MYO9B: variants seen among roughly 807,000 people sequenced by gnomAD.
The protein encoded by MYO9B is myosin IXB.
In MYO9B, 71 loss-of-function variants were observed where a neutral mutation model predicts 229.5. The observed-to-expected ratio is 0.31, with a 90% CI of 0.26 to 0.38. MYO9B has a LOEUF of 0.38. Among genes scored for constraint, MYO9B ranks in the 10% least tolerant of loss-of-function variants. The pLI, the probability that MYO9B is intolerant of heterozygous loss-of-function variation, is 1.00. For synonymous variants in MYO9B, 1,185 were observed against 1,235.8 expected (o/e 0.96, Z 0.86); for missense variants, 2,255 against 2,920.5 (o/e 0.77, Z 5.25).
At chr19:17,117,554 C>T (rs1175654554) in intron 2 of MYO9B, among the ~76,000 whole-genome samples, 1 of 152,194 alleles carries the variant, frequency 6.6e-6, no homozygotes, top group East Asian at 1.9e-4. Context: ...AACACCTTCC[C>T]TAGAGGGGGT....
chr19:17,198,080 G>A, intron 23 of MYO9B, 104 bp from the exon 24 acceptor site: 3 of 1,494,902 alleles, frequency 2.0e-6, no homozygotes, highest in Non-Finnish European at 2.7e-6. Flanking sequence ...AAAAAAGCAG[G>A]AAGTGAGGTC....
At chr19:17,134,381 GTTTTTTTTTTTTTT>G (rs869297825) in intron 2 of MYO9B, among the ~76,000 whole-genome samples, 3 of 46,474 alleles carry the variant, frequency 6.5e-5, no homozygotes, top group African/African-American at 8.9e-5. Flanking sequence ...CGTTTTGTTT[GTTTTTTTTTTTTTT>G]TTTTTTTTTT....
chr19:17,115,999 G>A (rs952854255), intron 2 of MYO9B, among the ~76,000 whole-genome samples: 3 of 140,542 alleles, frequency 2.1e-5, no homozygotes, highest in Non-Finnish European at 4.6e-5. Flanking sequence ...ACAGGGTTCG[G>A]CGGAGCTAAC....
At chr19:17,116,922 G>A (rs922841762) in intron 2 of MYO9B, among the ~76,000 whole-genome samples, 7 of 152,116 alleles carry the variant, frequency 4.6e-5, no homozygotes, top group Admixed American at 1.3e-4. Flanking sequence ...CAGCCCTGAC[G>A]TTTGGAATGA....
chr19:17,088,969 C>T (rs1244680369), intron 1 of MYO9B, among the ~76,000 whole-genome samples: 2 of 152,134 alleles, frequency 1.3e-5, no homozygotes, highest in Admixed American at 1.3e-4. Context: ...TAAGCCACCA[C>T]GCCTGGCCAT....
chr19:17,110,727 C>T (rs75478261), intron 2 of MYO9B, among the ~76,000 whole-genome samples: 1,953 of 152,266 alleles, frequency 0.013, 20 homozygotes, highest in South Asian at 0.026. Flanking sequence ...CACAGTGGGA[C>T]ACGGTGACAG....
chr19:17,080,776 G>A (rs2057527107), intron 1 of MYO9B, among the ~76,000 whole-genome samples: 1 of 152,054 alleles, frequency 6.6e-6, no homozygotes. Context: ...AGCTGAGACA[G>A]ACAGATCGCT....
intron 2 of MYO9B, among the ~76,000 whole-genome samples, chr19:17,141,667 AG>A (rs35907066): frequency 1 from 152,242 of 152,242 alleles, 76,121 homozygotes; most frequent in Non-Finnish European, 1. Context: ...AAGTTCCCCC[AG>A]GGGCTCCGTC....
At chr19:17,202,409 C>T in intron 28 of MYO9B, 106 bp downstream of exon 28, 1 of 1,127,720 alleles carries the variant, frequency 8.9e-7, no homozygotes. Context: ...ATGCCACACC[C>T]ACCCATGCCC....
At chr19:17,088,415 G>A (rs1280357151) in intron 1 of MYO9B, among the ~76,000 whole-genome samples, 1 of 152,192 alleles carries the variant, frequency 6.6e-6, no homozygotes, top group African/African-American at 2.4e-5. Flanking sequence ...GTTTTGGGGA[G>A]CACGAATGAA....
At chr19:17,100,792 G>A (rs2057737673) in intron 1 of MYO9B, among the ~76,000 whole-genome samples, 1 of 152,016 alleles carries the variant, frequency 6.6e-6, no homozygotes, top group Non-Finnish European at 1.5e-5. Flanking sequence ...CACACTCTAG[G>A]CCATTCCCGA....
intron 10 of MYO9B, among the ~76,000 whole-genome samples, chr19:17,167,061 G>C (rs774820165): frequency 1.3e-5 from 2 of 151,818 alleles, no homozygotes; most frequent in Non-Finnish European, 2.9e-5. Flanking sequence ...TCTCAGGTTT[G>C]GGATTTTTTT....
chr19:17,097,670 C>T (rs189829357), intron 1 of MYO9B, among the ~76,000 whole-genome samples: 42 of 152,226 alleles, frequency 2.8e-4, no homozygotes, highest in Admixed American at 4.6e-4. Flanking sequence ...GTTGCCTCGG[C>T]CTCATAAGTT....
intron 1 of MYO9B, among the ~76,000 whole-genome samples, chr19:17,083,028 T>TG (rs1233631419): frequency 7.1e-6 from 1 of 139,896 alleles, no homozygotes; most frequent in African/African-American, 2.7e-5. Context: ...GAATCTTGCT[T>TG]TTTTTTTTTT....
intron 35 of MYO9B, among the ~76,000 whole-genome samples, chr19:17,208,634 T>C (rs941083898): frequency 2.6e-5 from 4 of 152,078 alleles, no homozygotes; most frequent in African/African-American, 4.8e-5. Context: ...GGTTTCACTA[T>C]GTTAGCCAGG....
chr19:17,159,602 G>C (rs1599379713), intron 8 of MYO9B, 118 bp downstream of exon 8: 9 of 914,802 alleles, frequency 9.8e-6, no homozygotes, highest in Non-Finnish European at 1.4e-5. Context: ...ATGGAACCTA[G>C]GCAGTGCCTC....
In MYO9B at chr19:17,184,875, A is replaced by T; in HGVS notation, c.2384A>T (p.Asp795Val). ...QKQIIPKNLL[D>V]SKSLKLIISM... ...ATGTGTCTGTCCTAGAACCTACTGG[A>T]CTCCAAGTCCCTGAAACTCATCATC... The change falls in exon 17 of 40, where the codon GAC becomes GTC. Residue 795 changes from aspartate (D) to valine (V), a missense_variant. Asp to Val is a radical substitution (Grantham distance 152, BLOSUM62 -3). This residue lies in a region of MYO9B where 155 missense variants were observed against 159.1 expected (regional missense o/e 0.97). Transcript: ENST00000682292. 1 of 1,613,720 alleles carries T rather than the reference A, an allele frequency of 6.2e-7. No homozygotes were observed.
At chr19:17,166,485 A>G (rs1293313618) in intron 10 of MYO9B, among the ~76,000 whole-genome samples, 1 of 151,570 alleles carries the variant, frequency 6.6e-6, no homozygotes, top group African/African-American at 2.4e-5. Flanking sequence ...GCATTTTGTT[A>G]CTGATATATT....
At chr19:17,147,729 A>G (rs184322210) in intron 3 of MYO9B, among the ~76,000 whole-genome samples, 3,575 of 106,148 alleles carry the variant, frequency 0.034, 89 homozygotes, top group Middle Eastern at 0.15. Flanking sequence ...CTTATTGCCC[A>G]GGCTGGAGTA....
Sources: gnomAD v4.1 joint callset for allele counts (sites outside exome capture counted in the v4.1 genomes callset) on GRCh38, gnomAD v4.1.1 for gene constraint, gnomAD v4.1.1 regional missense constraint, MANE v1.5 for transcripts, NCBI Gene and HGNC (gene_info 2026-07-23, HGNC 2026-07-21) for gene names.